Variants in CAMK1D observed in about 807,000 individuals in gnomAD.
CAMK1D encodes calcium/calmodulin-dependent protein kinase type 1D.
In CAMK1D, 9 loss-of-function variants were observed where a neutral mutation model predicts 47.7. The observed-to-expected ratio is 0.19, with a 90% CI of 0.11 to 0.33. The LOEUF is 0.33. Among genes scored for constraint, CAMK1D ranks in the 10% least tolerant of loss-of-function variants. The probability of loss-of-function intolerance (pLI) is 1.00; values close to 1 mark genes in which losing one functional copy is unlikely to be tolerated. For missense variants in CAMK1D, 291 were observed against 488.7 expected (o/e 0.60, Z 3.81); for synonymous variants, 184 against 184.9 (o/e 0.99, Z 0.04).
Position 12,813,931 on chromosome 10 carries a change from C to A in CAMK1D, c.642-264C>A, listed in dbSNP as rs1460393981. Among the ~76,000 whole-genome samples, 3 of 148,990 alleles carry A rather than the reference C, an allele frequency of 2.0e-5. No individual in the cohort carries two copies. In the East Asian group the frequency reaches 6.1e-4, roughly 30 times the overall value. On this transcript the variant is annotated intron_variant, in intron 6 of 10. Transcript: ENST00000619168. Reference sequence around the variant, plus strand: ...GGGATTATAGGCACCAGCCACCACACCATGTCAGCTGATTTTTTTTTTTTT... The same window carrying A: ...GGGATTATAGGCACCAGCCACCACAACATGTCAGCTGATTTTTTTTTTTTT...
chr10:12,370,227 A>G (rs1837964876), intron 1 of CAMK1D, among the ~76,000 whole-genome samples: 1 of 152,080 alleles, frequency 6.6e-6, no homozygotes, highest in Non-Finnish European at 1.5e-5. Context: ...GATTACTCAC[A>G]TGTTTGTGGC....
At chr10:12,814,358 C>T (rs1047458872) in intron 7 of CAMK1D, 51 bp downstream of exon 7, 6 of 1,184,408 alleles carry the variant, frequency 5.1e-6, no homozygotes, top group Non-Finnish European at 7.6e-6. Context: ...GACACTTACA[C>T]CCAGACCACG....
chr10:12,584,798 T>A (rs1450495491), intron 2 of CAMK1D, among the ~76,000 whole-genome samples: 2 of 151,940 alleles, frequency 1.3e-5, no homozygotes, highest in Non-Finnish European at 2.9e-5. Flanking sequence ...CCAGCCTGGG[T>A]GACAGAGCAA....
chr10:12,728,963 AACTC>A (rs1181101849), intron 3 of CAMK1D, among the ~76,000 whole-genome samples: 1 of 152,220 alleles, frequency 6.6e-6, no homozygotes, highest in African/African-American at 2.4e-5. Flanking sequence ...AACTACTACT[AACTC>A]TGTAACAAGA....
chr10:12,603,165 T>C (rs1838355681), intron 2 of CAMK1D, among the ~76,000 whole-genome samples: 1 of 152,010 alleles, frequency 6.6e-6, no homozygotes, highest in Non-Finnish European at 1.5e-5. Flanking sequence ...CCTCCCAAAG[T>C]GCTGGGATTA....
intron 2 of CAMK1D, among the ~76,000 whole-genome samples, chr10:12,633,944 G>A (rs1839447462): frequency 2.0e-5 from 3 of 152,188 alleles, no homozygotes; most frequent in Admixed American, 6.5e-5. Flanking sequence ...TGAGGCCGTG[G>A]TCCGTGGAGT....
intron 1 of CAMK1D, among the ~76,000 whole-genome samples, chr10:12,498,417 C>T (rs963265371): frequency 2.6e-5 from 4 of 152,192 alleles, no homozygotes; most frequent in African/African-American, 9.7e-5. Flanking sequence ...CTGGGTTATC[C>T]AGTAGACAAG....
chr10:12,805,583 C>T (rs545038042), intron 6 of CAMK1D, among the ~76,000 whole-genome samples: 7 of 152,060 alleles, frequency 4.6e-5, no homozygotes, highest in African/African-American at 1.7e-4. Context: ...TTGGTCAGGC[C>T]GGTCTCAAAC....
Position 12,759,570 on chromosome 10 carries a change from C to T in CAMK1D, c.300-1378C>T, listed in dbSNP as rs138488780. ...CTAAGCATGGATCATTGAGACAACA[C>T]GGTCATCAAAATGTAGTTTCTCCCA... On this transcript the variant is annotated intron_variant, in intron 3 of 10. Transcript: ENST00000619168. Among the ~76,000 whole-genome samples, 157 of 152,260 alleles carry T rather than the reference C, an allele frequency of 1.0e-3. 1 individual carries two copies. Among genetic ancestry groups the T allele is most frequent in the African/African-American group, 3.6e-3 (151 of 41,538 alleles).
chr10:12,754,989 C>T (rs1836164182), intron 3 of CAMK1D, among the ~76,000 whole-genome samples: 2 of 152,006 alleles, frequency 1.3e-5, no homozygotes, highest in Non-Finnish European at 2.9e-5. Flanking sequence ...GGCAAAACGC[C>T]CAGAATCAGA....
intron 1 of CAMK1D, among the ~76,000 whole-genome samples, chr10:12,464,334 C>T (rs1397125375): frequency 6.6e-6 from 1 of 152,138 alleles, no homozygotes; most frequent in Non-Finnish European, 1.5e-5. Context: ...CCACAGAGCA[C>T]TCCCAGGTGC....
At chr10:12,534,152 A>G (rs1276965526) in intron 1 of CAMK1D, among the ~76,000 whole-genome samples, 3 of 150,880 alleles carry the variant, frequency 2.0e-5, no homozygotes, top group Admixed American at 6.7e-5. Context: ...CTCCACATCT[A>G]TCTATCTATC....
At chr10:12,380,808 A>T (rs527395226) in intron 1 of CAMK1D, among the ~76,000 whole-genome samples, 2 of 152,338 alleles carry the variant, frequency 1.3e-5, no homozygotes, top group Non-Finnish European at 2.9e-5. Flanking sequence ...GTGAGCTGAG[A>T]TTGCACCACT....
At chr10:12,564,391 G>T (rs2081098966) in intron 2 of CAMK1D, among the ~76,000 whole-genome samples, 1 of 152,082 alleles carries the variant, frequency 6.6e-6, no homozygotes, top group African/African-American at 2.4e-5. Flanking sequence ...TATGGCAAAT[G>T]AATTATTTTA....
intron 7 of CAMK1D, among the ~76,000 whole-genome samples, chr10:12,814,668 C>T (rs916244809): frequency 6.6e-6 from 1 of 152,144 alleles, no homozygotes; most frequent in Non-Finnish European, 1.5e-5. Context: ...GCACTAATCT[C>T]ATTCATGAGG....
chr10:12,812,367 G>A (rs12769282), intron 6 of CAMK1D, among the ~76,000 whole-genome samples: 1 of 152,224 alleles, frequency 6.6e-6, no homozygotes, highest in African/African-American at 2.4e-5. Flanking sequence ...TGTAATCCCA[G>A]CACTTTGGGA....
Position 12,803,657 on chromosome 10 carries a change from AAATAAT to A in CAMK1D, c.642-10523_642-10518del, listed in dbSNP as rs374759038. Among the ~76,000 whole-genome samples the A allele has an allele frequency of 2.6e-5, 4 of 151,876 alleles. No homozygotes were observed. In the East Asian group the frequency reaches 5.8e-4, roughly 22 times the overall value. ...GTAACAGAGGGAGACTCCATCTCAA[AAATAAT>A]AATAATAATAATAACTATGTGTGTG... is the stretch of plus-strand genomic sequence containing the variant. On this transcript the variant is annotated intron_variant, in intron 6 of 10. Coordinates refer to ENST00000619168, the MANE Select transcript of CAMK1D (RefSeq NM_153498.4).
At chr10:12,613,652 G>A (rs1838697467) in intron 2 of CAMK1D, among the ~76,000 whole-genome samples, 1 of 152,118 alleles carries the variant, frequency 6.6e-6, no homozygotes, top group South Asian at 2.1e-4. Flanking sequence ...CTCATTTTTT[G>A]TATTTTTAGT....
chr10:12,619,194 A>G (rs1420332293), intron 2 of CAMK1D, among the ~76,000 whole-genome samples: 1 of 152,192 alleles, frequency 6.6e-6, no homozygotes, highest in African/African-American at 2.4e-5. Context: ...TTCCAATTTC[A>G]CAGTAATCCC....
Sources: allele counts gnomAD v4.1 joint callset (sites outside exome capture counted in the v4.1 genomes callset), GRCh38; gene constraint gnomAD v4.1.1; transcripts MANE v1.5; gene names NCBI Gene and HGNC (gene_info 2026-07-23, HGNC 2026-07-21).